Variants in PARVA observed in about 807,000 individuals in gnomAD.
PARVA encodes alpha-parvin.
PARVA carries 25 observed loss-of-function variants against 52.6 expected under a neutral mutation model. The ratio of observed to expected loss-of-function variants is 0.48; its 90% CI spans 0.35 to 0.66. The LOEUF (loss-of-function observed/expected upper bound fraction) is 0.66, where lower values mean the gene tolerates loss of function less well. Ranked by LOEUF, PARVA falls within the 30% of genes least tolerant of loss-of-function variation. The pLI is 0.01. For synonymous variants in PARVA, 185 were observed against 179.1 expected (o/e 1.03, Z -0.26); for missense variants, 373 against 450.9 (o/e 0.83, Z 1.56).
At chr11:12,393,612 G>A (rs1939693955) in intron 1 of PARVA, among the ~76,000 whole-genome samples, 1 of 152,102 alleles carries the variant, frequency 6.6e-6, no homozygotes, top group South Asian at 2.1e-4. Context: ...AGAAAGCAAG[G>A]ACTCAGTGGG....
At position 12,527,929 on chromosome 11, in the gene PARVA, G is replaced by A. The variant is rs201134645; in HGVS notation, c.*4G>A. On this transcript the variant is annotated 3_prime_UTR_variant, in exon 13 of 13. Transcript: ENST00000334956. ...CAAGTACCGTAACGTGGAGTGAGGG[G>A]CTGCCCTGGGCCCACCACTGCCCAA... 4.0e-4 allele frequency: 644 copies of A among 1,607,080 alleles called. 3 individuals carry two copies. The highest frequency in any genetic ancestry group is 4.0e-4 in the South Asian group (36 of 90,892).
chr11:12,508,125 A>AAAAAAAAAAAAC (rs1564865901), intron 6 of PARVA, among the ~76,000 whole-genome samples: 8 of 59,488 alleles, frequency 1.3e-4, no homozygotes, highest in Middle Eastern at 7.9e-3. Context: ...AAAAAAAACC[A>AAAAAAAAAAAAC]AAAAAAAAAA....
intron 1 of PARVA, among the ~76,000 whole-genome samples, chr11:12,379,600 A>G (rs10734194): frequency 0.79 from 119,815 of 152,202 alleles, 49,949 homozygotes; most frequent in East Asian, 0.92. Context: ...AGATTGCTCC[A>G]TGAATTAGAA....
At chr11:12,379,054 G>A (rs1345951447) in intron 1 of PARVA, among the ~76,000 whole-genome samples, 1 of 152,174 alleles carries the variant, frequency 6.6e-6, no homozygotes, top group East Asian at 1.9e-4. Flanking sequence ...GATTATTCAT[G>A]TCTCCTCTTT....
chr11:12,510,281 G>A (rs1941488874), intron 7 of PARVA, among the ~76,000 whole-genome samples: 1 of 152,138 alleles, frequency 6.6e-6, no homozygotes, highest in South Asian at 2.1e-4. Context: ...CACTTAGTGG[G>A]TGACAGGTGT....
At position 12,535,241 on chromosome 11, in the gene PARVA, C is replaced by G. The variant is rs1263208292; in HGVS notation, c.*7316C>G. ...CTGTGAGGGAGACCAAGCTCACCACCAAGGGCTTTTGCCAGATTGCTTTCA... is the reference window on the plus strand; with the variant it reads ...CTGTGAGGGAGACCAAGCTCACCACGAAGGGCTTTTGCCAGATTGCTTTCA... On this transcript the variant is annotated 3_prime_UTR_variant, in exon 13 of 13. Coordinates refer to ENST00000334956, the MANE Select transcript of PARVA (RefSeq NM_018222.5). 6.6e-6 allele frequency among the ~76,000 whole-genome samples: 1 copy of G among 152,226 alleles called. No homozygotes were observed. Among genetic ancestry groups the G allele is most frequent in the Non-Finnish European group, 1.5e-5 (1 of 68,044 alleles).
chr11:12,454,598 A>T (rs2135017439), intron 1 of PARVA, among the ~76,000 whole-genome samples: 1 of 151,874 alleles, frequency 6.6e-6, no homozygotes, highest in Non-Finnish European at 1.5e-5. Flanking sequence ...AAAGAAGAAG[A>T]ACTTCTGACT....
chr11:12,447,450 G>GCCGAGCC (rs1432338418), intron 1 of PARVA, among the ~76,000 whole-genome samples: 15 of 152,322 alleles, frequency 9.8e-5, no homozygotes, highest in South Asian at 2.1e-4. Flanking sequence ...AGAGCGCCTT[G>GCCGAGCC]CCGAGCCCCG....
intron 1 of PARVA, among the ~76,000 whole-genome samples, chr11:12,408,201 A>G (rs575578423): frequency 5.9e-5 from 9 of 151,304 alleles, no homozygotes; most frequent in Non-Finnish European, 1.2e-4. Flanking sequence ...TGTCTCTCAC[A>G]TGTCTGGCCC....
chr11:12,511,468 G>A, intron 7 of PARVA, 46 bp from the exon 8 acceptor site: 1 of 1,599,786 alleles, frequency 6.3e-7, no homozygotes, highest in Non-Finnish European at 8.5e-7. Context: ...CCTCTTATAA[G>A]GGACAAGAGA....
intron 4 of PARVA, among the ~76,000 whole-genome samples, chr11:12,487,113 A>C (rs1941170302): frequency 6.6e-6 from 1 of 152,192 alleles, no homozygotes; most frequent in Admixed American, 6.5e-5. Context: ...AAAAGCTTGA[A>C]GAGGACCTAG....
chr11:12,389,979 C>CCT (rs1249730756), intron 1 of PARVA, among the ~76,000 whole-genome samples: 1 of 152,176 alleles, frequency 6.6e-6, no homozygotes, highest in Non-Finnish European at 1.5e-5. Context: ...AGGCAATGCT[C>CCT]CTCTTCTACT....
chr11:12,517,697 A>G lies in PARVA; in HGVS notation c.955A>G (p.Ser319Gly), dbSNP rs750850989. Reference protein sequence around the residue: ...PLHSFFLTPDSFEQKVLNVSF... With the variant: ...PLHSFFLTPDGFEQKVLNVSF... ...GCACAGCTTCTTCCTGACCCCGGAC[A>G]GCTTTGAACAGAAGGTAAGGAGAAG... The change falls in exon 11 of 13, where the codon AGC becomes GGC. Residue 319 changes from serine (S) to glycine (G), a missense_variant. By Grantham distance (56) the Ser-to-Gly change is moderately conservative. Transcript: ENST00000334956. 1 of 1,598,732 alleles carries G rather than the reference A, an allele frequency of 6.3e-7. No homozygotes were observed. Among genetic ancestry groups the G allele is most frequent in the Non-Finnish European group, 8.5e-7 (1 of 1,172,058 alleles).
intron 6 of PARVA, among the ~76,000 whole-genome samples, chr11:12,505,630 G>A (rs945663977): frequency 1.3e-5 from 2 of 152,186 alleles, no homozygotes; most frequent in African/African-American, 2.4e-5. Context: ...CTCAGATACC[G>A]AGTGCCACTG....
At chr11:12,408,061 A>G (rs887457382) in intron 1 of PARVA, among the ~76,000 whole-genome samples, 5 of 152,090 alleles carry the variant, frequency 3.3e-5, no homozygotes, top group African/African-American at 4.8e-5. Context: ...AGCAATTTCT[A>G]CTGACTGTTT....
intron 1 of PARVA, among the ~76,000 whole-genome samples, chr11:12,380,453 C>A (rs1324480407): frequency 6.6e-6 from 1 of 150,824 alleles, no homozygotes; most frequent in Non-Finnish European, 1.5e-5. Flanking sequence ...GCAGACAGAG[C>A]AAGGAGAGAG....
chr11:12,476,706 G>T (rs983114756), intron 3 of PARVA, among the ~76,000 whole-genome samples: 12 of 152,220 alleles, frequency 7.9e-5, no homozygotes, highest in Middle Eastern at 6.8e-3. Flanking sequence ...GACAGAGGCT[G>T]GGTCTTACTC....
chr11:12,513,439 C>T lies in PARVA; in HGVS notation c.798+79C>T, dbSNP rs773558185. On this transcript the variant is annotated intron_variant, in intron 9 of 12. Coordinates refer to ENST00000334956, the MANE Select transcript of PARVA (RefSeq NM_018222.5). Reference sequence around the variant, plus strand: ...TGGGAAAACCCATCCCTGCAGCTTGCGAGCTTCCTGCCAGAACTGGTGGCA... The same window carrying T: ...TGGGAAAACCCATCCCTGCAGCTTGTGAGCTTCCTGCCAGAACTGGTGGCA... 5.4e-6 allele frequency: 7 copies of T among 1,303,996 alleles called. No individual in the cohort carries two copies. The African/African-American group carries it at 5.8e-5, about 11-fold the overall frequency. The allele number at this position is 1,303,996 out of a possible 1,614,324, so 80.8% of individuals were successfully genotyped here. A position where few individuals can be genotyped will look rare whatever the true frequency, so the allele number is the denominator to read the frequency against.
intron 5 of PARVA, among the ~76,000 whole-genome samples, chr11:12,497,915 G>A (rs997748220): frequency 1.3e-5 from 2 of 152,048 alleles, no homozygotes; most frequent in Non-Finnish European, 2.9e-5. Context: ...CCTATCTCCC[G>A]CTCCTTTGAA....
Sources: gnomAD v4.1 joint callset for allele counts (sites outside exome capture counted in the v4.1 genomes callset) on GRCh38, gnomAD v4.1.1 for gene constraint, MANE v1.5 for transcripts, NCBI Gene and HGNC (gene_info 2026-07-23, HGNC 2026-07-21) for gene names.